The following LRP1B variants were observed in gnomAD, a reference collection of about 807,000 sequenced individuals.
The protein encoded by LRP1B is LDL receptor related protein 1B, also known as low-density lipoprotein receptor-related protein 1B.
In LRP1B, 217 loss-of-function variants were observed where a neutral mutation model predicts 556.6. The ratio of observed to expected loss-of-function variants is 0.39; its 90% CI spans 0.35 to 0.44. The LOEUF (loss-of-function observed/expected upper bound fraction) is 0.44, where lower values mean the gene tolerates loss of function less well. LRP1B is among the 20% of genes least tolerant of loss of function. LRP1B has a pLI of 1.00. For synonymous variants in LRP1B, 2,047 were observed against 1,865.8 expected (o/e 1.10, Z -2.50); for missense variants, 5,053 against 5,620.8 (o/e 0.90, Z 3.23).
intron 2 of LRP1B, among the ~76,000 whole-genome samples, chr2:141,640,781 G>A (rs1158793170): frequency 6.7e-6 from 1 of 149,204 alleles, no homozygotes; most frequent in Admixed American, 6.8e-5. Flanking sequence ...GTGACAGAGT[G>A]AGACTCTGTC....
Position 140,907,966 on chromosome 2 carries a change from G to A in LRP1B, c.3431C>T (p.Ala1144Val), listed in dbSNP as rs1694304982. 1 of 1,613,404 alleles carries A rather than the reference G, an allele frequency of 6.2e-7. No individual in the cohort carries two copies. The highest frequency in any genetic ancestry group is 8.5e-7 in the Non-Finnish European group (1 of 1,179,700). ...FLCGPPKHPC[A>V]NDTSVCLQPE... Reference sequence around the variant, plus strand: ...CTGCAGGCAGACTGAGGTGTCATTAGCACAAGGATGCTTGGGTGGTCCACA... The same window carrying A: ...CTGCAGGCAGACTGAGGTGTCATTAACACAAGGATGCTTGGGTGGTCCACA... Residue 1144 changes from alanine (A) to valine (V), a missense_variant, in exon 22 of 91, where the codon GCT (alanine) becomes GTT (valine). By Grantham distance (64) the Ala-to-Val change is moderately conservative. Transcript: ENST00000389484.
intron 15 of LRP1B, among the ~76,000 whole-genome samples, chr2:141,002,995 G>A (rs1019507566): frequency 4.6e-5 from 7 of 152,002 alleles, no homozygotes; most frequent in South Asian, 2.1e-4. Flanking sequence ...TCTCATGTCC[G>A]GTAGTTGGAA....
At chr2:141,016,108 G>C (rs977764185) in intron 12 of LRP1B, among the ~76,000 whole-genome samples, 193 bp from the exon 13 acceptor site, 3 of 152,058 alleles carry the variant, frequency 2.0e-5, no homozygotes, top group Non-Finnish European at 2.9e-5. Flanking sequence ...TGGTAGAACT[G>C]TGCATTTACA....
intron 84 of LRP1B, among the ~76,000 whole-genome samples, chr2:140,288,366 A>G (rs187680384): frequency 7.9e-5 from 12 of 151,936 alleles, no homozygotes; most frequent in Admixed American, 3.9e-4. Flanking sequence ...ATAAGAAAGG[A>G]ATTTAATTTC....
At chr2:140,844,275 G>T (rs1200150175) in intron 29 of LRP1B, among the ~76,000 whole-genome samples, 1 of 151,958 alleles carries the variant, frequency 6.6e-6, no homozygotes, top group Admixed American at 6.6e-5. Context: ...TGTTGATCAG[G>T]CTGGTCCCAA....
intron 47 of LRP1B, among the ~76,000 whole-genome samples, chr2:140,532,458 G>A (rs1024652385): frequency 2.0e-5 from 3 of 151,994 alleles, no homozygotes; most frequent in Non-Finnish European, 4.4e-5. Context: ...GTGCAGTGAT[G>A]TGATCTCAAC....
chr2:140,934,225 G>A (rs752381924), intron 20 of LRP1B, among the ~76,000 whole-genome samples: 54 of 152,024 alleles, frequency 3.6e-4, no homozygotes, highest in Admixed American at 2.4e-3. Context: ...AAGAACATAT[G>A]ATTTTGCTGA....
At chr2:141,603,275 C>T (rs1313453331) in intron 2 of LRP1B, among the ~76,000 whole-genome samples, 1 of 152,104 alleles carries the variant, frequency 6.6e-6, no homozygotes, top group African/African-American at 2.4e-5. Flanking sequence ...CATAGAAAAC[C>T]TGTGTCAATA....
rs566610946 is a variant in LRP1B at position 141,282,938 on chromosome 2, A to G, written c.344-28297T>C. 2.6e-5 allele frequency among the ~76,000 whole-genome samples: 4 copies of G among 152,282 alleles called. 1 individual carries two copies. Among genetic ancestry groups the G allele is most frequent in the Admixed American group, 2.6e-4 (4 of 15,296 alleles). On this transcript the variant is annotated intron_variant, in intron 3 of 90. Coordinates refer to ENST00000389484, the MANE Select transcript of LRP1B (RefSeq NM_018557.3). Reference sequence around the variant, plus strand: ...ATGGGGCCAGGCACCATAGTGTAGTATTTAATATCTTAATATTATCATTTG... The same window carrying G: ...ATGGGGCCAGGCACCATAGTGTAGTGTTTAATATCTTAATATTATCATTTG...
chr2:140,344,917 T>C (rs1681575571), intron 77 of LRP1B, among the ~76,000 whole-genome samples: 2 of 151,650 alleles, frequency 1.3e-5, no homozygotes, highest in African/African-American at 4.8e-5. Context: ...AAAGAAATGT[T>C]AAAACACCAA....
chr2:140,350,877 T>C lies in LRP1B; in HGVS notation c.11812A>G (p.Ser3938Gly). 1 of 1,610,284 alleles carries C rather than the reference T, an allele frequency of 6.2e-7. No individual in the cohort carries two copies. Residue 3938 changes from serine to glycine, a missense_variant, in exon 77 of 91, where the codon AGT (serine) becomes GGT (glycine). Transcript: ENST00000389484. ...ATTCCGCCTGGATTAAACTGAGTAC[T>C]CCAAATAATCATATCTCTTTGATAA... Reference protein sequence around the residue: ...VYYQRDMIIWSTQFNPGGIFY... With the variant: ...VYYQRDMIIWGTQFNPGGIFY...
rs75175849 is a variant in LRP1B, at chr2:141,607,250, C to T, written c.206-126717G>A. 2.8e-4 allele frequency among the ~76,000 whole-genome samples: 43 copies of T among 152,000 alleles called. No homozygotes were observed. In the East Asian group the frequency reaches 7.6e-3, roughly 27 times the overall value. The stretch of plus-strand genomic sequence containing the variant: ...ACCCACCTCTGGATTAGGAGTGATA[C>T]AAAAACATGTTGCAAATTACTCCTA... On this transcript the variant is annotated intron_variant, in intron 2 of 90. Transcript: ENST00000389484.
At chr2:141,800,806 A>G (rs1695983315) in intron 2 of LRP1B, among the ~76,000 whole-genome samples, 1 of 152,236 alleles carries the variant, frequency 6.6e-6, no homozygotes, top group Non-Finnish European at 1.5e-5. Context: ...TATGGAATAA[A>G]TTGTTGCTTT....
chr2:141,357,238 T>C (rs13013637), intron 3 of LRP1B, among the ~76,000 whole-genome samples: 2,629 of 151,958 alleles, frequency 0.017, 30 homozygotes, highest in Non-Finnish European at 0.028. Flanking sequence ...CTATTTTTAG[T>C]AGAGGTGGGT....
At chr2:140,399,315 A>C (rs16843911) in intron 66 of LRP1B, among the ~76,000 whole-genome samples, 21,572 of 152,094 alleles carry the variant, frequency 0.14, 1,975 homozygotes, top group East Asian at 0.32. Flanking sequence ...TTTAACTTTC[A>C]AGTACTGCTA....
intron 2 of LRP1B, among the ~76,000 whole-genome samples, chr2:141,792,586 C>T (rs980524837): frequency 6.6e-6 from 1 of 151,940 alleles, no homozygotes; most frequent in African/African-American, 2.4e-5. Flanking sequence ...TAGCTACTTT[C>T]CTAATCGCTA....
intron 2 of LRP1B, among the ~76,000 whole-genome samples, 180 bp downstream of exon 2, chr2:141,810,095 AAAAG>A (rs1441974745): frequency 1.1e-4 from 15 of 136,688 alleles, no homozygotes; most frequent in African/African-American, 3.2e-4. Context: ...CTATTTGGAA[AAAAG>A]AAAGAAAGAA....
intron 1 of LRP1B, among the ~76,000 whole-genome samples, chr2:141,890,928 A>G (rs1324652113): frequency 6.6e-6 from 1 of 152,106 alleles, no homozygotes. Flanking sequence ...TCTGCAAGCA[A>G]CCCCATAACC....
At chr2:141,243,445 G>C (rs1683955416) in intron 5 of LRP1B, among the ~76,000 whole-genome samples, 1 of 152,068 alleles carries the variant, frequency 6.6e-6, no homozygotes, top group Non-Finnish European at 1.5e-5. Context: ...TCATGCTACT[G>C]TACTCCAGCC....
Sources: allele counts gnomAD v4.1 joint callset (sites outside exome capture counted in the v4.1 genomes callset), GRCh38; gene constraint gnomAD v4.1.1; transcripts MANE v1.5; gene names NCBI Gene and HGNC (gene_info 2026-07-23, HGNC 2026-07-21).